RIT2: variants seen among roughly 807,000 people sequenced by gnomAD.
RIT2 encodes Ras like without CAAX 2.
A neutral mutation model predicts 23.7 loss-of-function variants in RIT2; 24 were observed. The observed-to-expected ratio is 1.01, with a 90% CI of 0.73 to 1.43. RIT2 has a LOEUF of 1.43. Among genes scored for constraint, RIT2 ranks in the 40% most tolerant of loss-of-function variants. The pLI, the probability that RIT2 is intolerant of heterozygous loss-of-function variation, is 0.00. For synonymous variants in RIT2, 107 were observed against 91.1 expected (o/e 1.17, Z -0.99); for missense variants, 236 against 266.9 (o/e 0.88, Z 0.81).
intron 1 of RIT2, among the ~76,000 whole-genome samples, chr18:43,059,035 G>A (rs766096271): frequency 3.3e-5 from 5 of 152,002 alleles, no homozygotes; most frequent in Non-Finnish European, 5.9e-5. Context: ...CACCAAAAAC[G>A]AGCTTGCACA....
chr18:43,052,954 C>T (rs1000121030), intron 1 of RIT2, among the ~76,000 whole-genome samples: 7 of 151,920 alleles, frequency 4.6e-5, no homozygotes, highest in African/African-American at 1.4e-4. Context: ...TTGATAGATA[C>T]TATTTCATGC....
chr18:42,778,040 G>A (rs1212923859), intron 4 of RIT2, among the ~76,000 whole-genome samples: 1 of 152,058 alleles, frequency 6.6e-6, no homozygotes, highest in Non-Finnish European at 1.5e-5. Flanking sequence ...TGTGTGTTCT[G>A]CCCTACAACT....
rs1257909346 is a variant in RIT2, at chr18:43,094,416, TG to T, written c.103+21000del. Reference sequence around the variant, plus strand: ...CATTGTCTATATATTTTCTTTTAGCTGGTTCTTGATAGCATCATGGATTGTT... The same window carrying T: ...CATTGTCTATATATTTTCTTTTAGCTGTTCTTGATAGCATCATGGATTGTT... On this transcript the variant is annotated intron_variant, in intron 1 of 4. Coordinates refer to ENST00000326695, the MANE Select transcript of RIT2 (RefSeq NM_002930.4). Among the ~76,000 whole-genome samples the T allele has an allele frequency of 2.0e-5, 3 of 152,074 alleles. No individual in the cohort carries two copies. The East Asian group carries it at 5.8e-4, about 29-fold the overall frequency.
At chr18:43,107,227 A>T (rs181277491) in intron 1 of RIT2, among the ~76,000 whole-genome samples, 21 of 152,294 alleles carry the variant, frequency 1.4e-4, no homozygotes, top group Non-Finnish European at 2.8e-4. Flanking sequence ...ACAGATGAAC[A>T]GCTGAACAAT....
At chr18:43,072,820 AAAGATAC>A (rs1415254813) in intron 1 of RIT2, among the ~76,000 whole-genome samples, 1 of 152,206 alleles carries the variant, frequency 6.6e-6, no homozygotes, top group Non-Finnish European at 1.5e-5. Context: ...AAGGAAAAAC[AAAGATAC>A]AAGAAAATTT....
At chr18:43,018,824 G>A (rs1268847082) in intron 2 of RIT2, among the ~76,000 whole-genome samples, 1 of 151,938 alleles carries the variant, frequency 6.6e-6, no homozygotes, top group East Asian at 1.9e-4. Context: ...ACCTGAAAGT[G>A]AAAGGACAAT....
intron 4 of RIT2, among the ~76,000 whole-genome samples, chr18:42,842,275 T>C (rs1906788252): frequency 6.6e-6 from 1 of 151,986 alleles, no homozygotes; most frequent in African/African-American, 2.4e-5. Context: ...AAAGTATACA[T>C]GGATGTTATC....
chr18:43,101,014 C>T (rs1913670876), intron 1 of RIT2, among the ~76,000 whole-genome samples: 1 of 151,114 alleles, frequency 6.6e-6, no homozygotes, highest in Non-Finnish European at 1.5e-5. Context: ...TAAATATGTG[C>T]ACATATATAT....
chr18:43,033,146 T>C (rs945717237), intron 2 of RIT2, among the ~76,000 whole-genome samples: 1 of 152,140 alleles, frequency 6.6e-6, no homozygotes, highest in Non-Finnish European at 1.5e-5. Context: ...GCCAATTCTT[T>C]AAAGTAGTTT....
chr18:42,859,689 C>CA, intron 4 of RIT2, among the ~76,000 whole-genome samples: 1 of 151,952 alleles, frequency 6.6e-6, no homozygotes, highest in South Asian at 2.1e-4. Flanking sequence ...ACAATTTTAC[C>CA]TTCTACATAT....
chr18:42,927,602 T>C (rs774678734), intron 3 of RIT2, among the ~76,000 whole-genome samples: 1 of 152,032 alleles, frequency 6.6e-6, no homozygotes. Flanking sequence ...GTATCCTGAA[T>C]GTTAATATCT....
At chr18:43,055,256 T>C (rs1912473341) in intron 1 of RIT2, among the ~76,000 whole-genome samples, 1 of 152,134 alleles carries the variant, frequency 6.6e-6, no homozygotes, top group Admixed American at 6.6e-5. Context: ...AGAAAAGCTG[T>C]GTAAGCAGCA....
At chr18:42,828,454 T>A (rs1287612049) in intron 4 of RIT2, among the ~76,000 whole-genome samples, 5 of 152,258 alleles carry the variant, frequency 3.3e-5, no homozygotes, top group Non-Finnish European at 7.3e-5. Context: ...ATTTACATAA[T>A]GCAAGGCTAT....
At chr18:43,081,878 T>C (rs1913165115) in intron 1 of RIT2, among the ~76,000 whole-genome samples, 1 of 152,128 alleles carries the variant, frequency 6.6e-6, no homozygotes, top group Non-Finnish European at 1.5e-5. Context: ...CCTTTCTTCT[T>C]GCATTCATTT....
At chr18:42,947,380 T>C (rs1909752300) in intron 3 of RIT2, among the ~76,000 whole-genome samples, 1 of 152,238 alleles carries the variant, frequency 6.6e-6, no homozygotes, top group South Asian at 2.1e-4. Flanking sequence ...TTGTGATCAG[T>C]CGATTATTTA....
intron 4 of RIT2, among the ~76,000 whole-genome samples, chr18:42,900,630 T>TA (rs200584670): frequency 1.3e-5 from 2 of 151,040 alleles, no homozygotes; most frequent in Non-Finnish European, 3.0e-5. Context: ...CAGGCTTCCT[T>TA]AAAAAAAAAT....
chr18:42,801,433 A>G (rs189567227), intron 4 of RIT2, among the ~76,000 whole-genome samples: 8 of 152,348 alleles, frequency 5.3e-5, no homozygotes, highest in African/African-American at 1.9e-4. Flanking sequence ...AATGTCATGA[A>G]GTCTAACTGG....
At chr18:43,029,175 C>T (rs1294119623) in intron 2 of RIT2, among the ~76,000 whole-genome samples, 1 of 151,792 alleles carries the variant, frequency 6.6e-6, no homozygotes, top group Non-Finnish European at 1.5e-5. Flanking sequence ...CAGTCCTTAT[C>T]GATTGCTTAG....
chr18:42,913,672 C>A (rs1241703147), intron 4 of RIT2, among the ~76,000 whole-genome samples: 1 of 151,898 alleles, frequency 6.6e-6, no homozygotes, highest in African/African-American at 2.4e-5. Flanking sequence ...AAGTTGGGTT[C>A]ATAGAAAGAG....
Sources: gnomAD v4.1 joint callset for allele counts (sites outside exome capture counted in the v4.1 genomes callset) on GRCh38, gnomAD v4.1.1 for gene constraint, MANE v1.5 for transcripts, NCBI Gene and HGNC (gene_info 2026-07-23, HGNC 2026-07-21) for gene names.